Variants in ZBTB7A observed in about 807,000 individuals in gnomAD.
ZBTB7A encodes zinc finger and BTB domain-containing protein 7A.
In ZBTB7A, 7 loss-of-function variants were observed where a neutral mutation model predicts 26.7. That is an observed-to-expected ratio of 0.26 (90% CI 0.15 to 0.49). The LOEUF (loss-of-function observed/expected upper bound fraction) is 0.49, where lower values mean the gene tolerates loss of function less well. ZBTB7A is among the 20% of genes least tolerant of loss of function. The pLI is 0.98. For missense variants in ZBTB7A, 617 were observed against 919.5 expected (o/e 0.67, Z 4.25); for synonymous variants, 452 against 441.0 (o/e 1.02, Z -0.31).
chr19:4,051,826 G>A (rs1468660290), intron 2 of ZBTB7A, among the ~76,000 whole-genome samples: 2 of 152,254 alleles, frequency 1.3e-5, no homozygotes, highest in African/African-American at 4.8e-5. Context: ...GACTTGCCTG[G>A]AGCTGCACAG....
At chr19:4,049,507 G>A (rs902395335) in intron 2 of ZBTB7A, among the ~76,000 whole-genome samples, 8 of 151,908 alleles carry the variant, frequency 5.3e-5, no homozygotes, top group East Asian at 2.0e-4. Flanking sequence ...TGAAAATACC[G>A]CAAGGAACAA....
rs1477223196 is a variant in ZBTB7A, at chr19:4,044,186, T to C, written c.*3566A>G. On this transcript the variant is annotated 3_prime_UTR_variant, in exon 3 of 3. Transcript: ENST00000322357. ...TCCAGGGGAAGACCCTGGAAGAGGCTGGGGGACCCCCCTCGGAAGGAAGCA... is the reference window on the plus strand; with the variant it reads ...TCCAGGGGAAGACCCTGGAAGAGGCCGGGGGACCCCCCTCGGAAGGAAGCA... 4.6e-5 allele frequency among the ~76,000 whole-genome samples: 7 copies of C among 151,708 alleles called. No homozygotes were observed. In the East Asian group the frequency reaches 9.8e-4, roughly 21 times the overall value.
At chr19:4,060,421 C>A (rs1374080766) in intron 1 of ZBTB7A, among the ~76,000 whole-genome samples, 2 of 152,238 alleles carry the variant, frequency 1.3e-5, no homozygotes, top group Non-Finnish European at 1.5e-5. Context: ...GCATTTCGGC[C>A]CCCTCTGTGC....
intron 1 of ZBTB7A, among the ~76,000 whole-genome samples, chr19:4,056,488 A>G (rs1322493919): frequency 6.6e-6 from 1 of 152,116 alleles, no homozygotes; most frequent in Non-Finnish European, 1.5e-5. Flanking sequence ...CATTTTGGGG[A>G]GGCTGAGGTG....
chr19:4,057,674 G>A lies in ZBTB7A; in HGVS notation c.-15-2427C>T, dbSNP rs574749968. Among the ~76,000 whole-genome samples the A allele has an allele frequency of 1.5e-4, 23 of 151,644 alleles. No homozygotes were observed. In the South Asian group the frequency reaches 2.9e-3, roughly 19 times the overall value. ...CGCGGGCCTATAGTCCCAGCTACTC[G>A]GGAGGCTGAGGCAGGAGAATCACTT... On this transcript the variant is annotated intron_variant, in intron 1 of 2. Coordinates refer to ENST00000322357, the MANE Select transcript of ZBTB7A (RefSeq NM_015898.4).
In ZBTB7A at chr19:4,050,334, T is replaced by G. The variant is rs1285053927; in HGVS notation, c.1263-2090A>C. 4.6e-5 allele frequency among the ~76,000 whole-genome samples: 7 copies of G among 152,202 alleles called. No homozygotes were observed. The East Asian group carries it at 1.3e-3, about 29-fold the overall frequency. ...CCTCGGCCTCCCAAAGTGCTGGGATTACAGGCGTGAGCCACCGCGCCCGGC... is the reference window on the plus strand; with the variant it reads ...CCTCGGCCTCCCAAAGTGCTGGGATGACAGGCGTGAGCCACCGCGCCCGGC... On this transcript the variant is annotated intron_variant, in intron 2 of 2. Transcript: ENST00000322357.
At chr19:4,057,775 C>T (rs1276047646) in intron 1 of ZBTB7A, among the ~76,000 whole-genome samples, 4 of 133,930 alleles carry the variant, frequency 3.0e-5, no homozygotes, top group Admixed American at 1.5e-4. Context: ...GAGCGAGACT[C>T]GTCTCCAAAA....
At chr19:4,051,606 A>G (rs767614065) in intron 2 of ZBTB7A, among the ~76,000 whole-genome samples, 1 of 152,226 alleles carries the variant, frequency 6.6e-6, no homozygotes, top group East Asian at 1.9e-4. Flanking sequence ...GTAACTTGCT[A>G]ACAGAACCCT....
chr19:4,044,198 C>A lies in ZBTB7A; in HGVS notation c.*3554G>T, dbSNP rs1026526786. Among the ~76,000 whole-genome samples the A allele has an allele frequency of 6.6e-6, 1 of 152,110 alleles. No homozygotes were observed. Among genetic ancestry groups the A allele is most frequent in the South Asian group, 2.1e-4 (1 of 4,818 alleles). On this transcript the variant is annotated 3_prime_UTR_variant, in exon 3 of 3. Transcript: ENST00000322357. ...CCCTGGAAGAGGCTGGGGGACCCCC[C>A]TCGGAAGGAAGCAAAAAGACAGTGA...
chr19:4,054,184 T>C lies in ZBTB7A; in HGVS notation c.1049A>G (p.Asp350Gly). The C allele has an allele frequency of 6.3e-7, 1 of 1,597,560 alleles. No homozygotes were observed. The highest frequency in any genetic ancestry group is 8.5e-7 in the Non-Finnish European group (1 of 1,177,730). The change falls in exon 2 of 3, where the codon GAC becomes GGC. Residue 350 changes from aspartate to glycine, a missense_variant. Physicochemically the swap from Asp to Gly is moderately conservative, Grantham distance 94. Transcript: ENST00000322357. ...GCCGCTGAAGTACTTCAGGTAGTAG[T>C]CCATGACGCCCTTGTCGTCGGCCCG... ...ESRADDKGVM[D>G]YYLKYFSGAH...
rs1329917919 is a variant in ZBTB7A, at chr19:4,052,488, CTGCTGGGGAGGGGGCCGGGG to C, written c.1262+1463_1262+1482del. Among the ~76,000 whole-genome samples, 3 of 151,848 alleles carry C rather than the reference CTGCTGGGGAGGGGGCCGGGG, an allele frequency of 2.0e-5. No individual in the cohort carries two copies. ...CCAGGCCGCACCTTCCTCTCCTGGC[CTGCTGGGGAGGGGGCCGGGG>C]TGCTGGGGAGGGGTCAGTCCCAGTT... On this transcript the variant is annotated intron_variant, in intron 2 of 2. Coordinates refer to ENST00000322357, the MANE Select transcript of ZBTB7A (RefSeq NM_015898.4). The surrounding 1 kb of genome is among the most constrained non-coding windows in gnomAD (Gnocchi z 4.9).
In ZBTB7A at chr19:4,046,649, A is replaced by G; in HGVS notation, c.*1103T>C. The G allele has an allele frequency of 7.0e-6, 1 of 142,232 alleles. No homozygotes were observed. Among genetic ancestry groups the G allele is most frequent in the East Asian group, 2.0e-4 (1 of 4,968 alleles). The allele number at this position is 142,232 out of a possible 1,614,324, so 8.8% of individuals were successfully genotyped here. On this transcript the variant is annotated 3_prime_UTR_variant, in exon 3 of 3. Coordinates refer to ENST00000322357, the MANE Select transcript of ZBTB7A (RefSeq NM_015898.4). Reference sequence around the variant, plus strand: ...TGTTTTATTGCTTTTGTGACATTGGAATTTGTGGATTTTCTCTCTCTCCCC... The same window carrying G: ...TGTTTTATTGCTTTTGTGACATTGGGATTTGTGGATTTTCTCTCTCTCCCC...
In ZBTB7A at chr19:4,066,851, T is replaced by G. The variant is rs1027642956; in HGVS notation, c.-185A>C. Reference sequence around the variant, plus strand: ...CACTGCCCCTACAGTAACTGTACAGTACAGCCAAAGCCCCGTATGATGCTC... The same window carrying G: ...CACTGCCCCTACAGTAACTGTACAGGACAGCCAAAGCCCCGTATGATGCTC... On this transcript the variant is annotated 5_prime_UTR_variant, in exon 1 of 3. Coordinates refer to ENST00000322357, the MANE Select transcript of ZBTB7A (RefSeq NM_015898.4). 1.3e-5 allele frequency: 2 copies of G among 152,094 alleles called. No individual in the cohort carries two copies. Among genetic ancestry groups the G allele is most frequent in the African/African-American group, 2.4e-5 (1 of 41,304 alleles). The allele number at this position is 152,094 out of a possible 1,614,324, so 9.4% of individuals were successfully genotyped here. A position where few individuals can be genotyped will look rare whatever the true frequency, so the allele number is the denominator to read the frequency against.
rs1324195694 is a variant in ZBTB7A, at chr19:4,044,499, G to A, written c.*3253C>T. 1.3e-5 allele frequency: 2 copies of A among 151,216 alleles called. No homozygotes were observed. The highest frequency in any genetic ancestry group is 3.0e-5 in the Non-Finnish European group (2 of 67,690). 9.4% of individuals were successfully genotyped at this position (151,216 alleles called of 1,614,324 possible). A position where few individuals can be genotyped will look rare whatever the true frequency, so the allele number is the denominator to read the frequency against. On this transcript the variant is annotated 3_prime_UTR_variant, in exon 3 of 3. Coordinates refer to ENST00000322357, the MANE Select transcript of ZBTB7A (RefSeq NM_015898.4). The stretch of plus-strand genomic sequence containing the variant: ...CTCTCTCCTGGGCCCGGCAGGCTGG[G>A]GGGCACTGCAGACGGGGGCTCCGGC...
Position 4,050,353 on chromosome 19 carries a change from G to A in ZBTB7A, c.1263-2109C>T, listed in dbSNP as rs532521478. ...TGGGATTACAGGCGTGAGCCACCGC[G>A]CCCGGCCGGTCTCTCTTGTTTCTGT... On this transcript the variant is annotated intron_variant, in intron 2 of 2. Transcript: ENST00000322357. 1.2e-3 allele frequency among the ~76,000 whole-genome samples: 178 copies of A among 152,324 alleles called. 1 individual carries two copies. The highest frequency in any genetic ancestry group is 0.01 in the Admixed American group (154 of 15,302).
chr19:4,054,881 C>T lies in ZBTB7A; in HGVS notation c.352G>A (p.Ala118Thr). 1.9e-6 allele frequency: 3 copies of T among 1,607,354 alleles called. No homozygotes were observed. The highest frequency in any genetic ancestry group is 2.2e-5 in the East Asian group (1 of 44,574). Residue 118 changes from alanine to threonine, a missense_variant, in exon 2 of 3, where the codon GCC (alanine) becomes ACC (threonine). Coordinates refer to ENST00000322357, the MANE Select transcript of ZBTB7A (RefSeq NM_015898.4). ...LSAARLLEIP[A>T]VSHVCADLLD... The stretch of plus-strand genomic sequence containing the variant: ...AGGTCGGCGCACACGTGGCTCACGG[C>T]GGGGATCTCCAGCAGGCGGGCGGCG...
At position 4,054,813 on chromosome 19, in the gene ZBTB7A, G is replaced by A. The variant is rs767860784; in HGVS notation, c.420C>T (p.Ala140=). The A allele has an allele frequency of 2.2e-5, 35 of 1,596,034 alleles. No homozygotes were observed. In the South Asian group the frequency reaches 3.5e-4, roughly 16 times the overall value. The change falls in exon 2 of 3, where the codon GCC becomes GCT. Residue 140 remains alanine (A), a synonymous_variant. Transcript: ENST00000322357. The part of the protein sequence containing the change: ...QILAADAGAD[A]GQLDLVDQID... Reference sequence around the variant, plus strand: ...TTTGATCTACAAGGTCCAGCTGCCCGGCGTCGGCGCCCGCGTCGGCCGCCA... The same window carrying A: ...TTTGATCTACAAGGTCCAGCTGCCCAGCGTCGGCGCCCGCGTCGGCCGCCA...
chr19:4,066,231 C>A (rs1267538785), intron 1 of ZBTB7A, among the ~76,000 whole-genome samples: 2 of 137,586 alleles, frequency 1.5e-5, no homozygotes, highest in Non-Finnish European at 3.1e-5. Context: ...TCAATCCTGG[C>A]CAACTCCAAC....
At chr19:4,066,563 G>A (rs955565440) in intron 1 of ZBTB7A, 119 bp downstream of exon 1, 9 of 151,914 alleles carry the variant, frequency 5.9e-5, no homozygotes, top group Non-Finnish European at 1.3e-4. Flanking sequence ...CTGAAACTTG[G>A]GGGAACGTCC....
Sources: allele counts gnomAD v4.1 joint callset (sites outside exome capture counted in the v4.1 genomes callset), GRCh38; gene constraint gnomAD v4.1.1; non-coding constraint Gnocchi (gnomAD v3.1); transcripts MANE v1.5; gene names NCBI Gene and HGNC (gene_info 2026-07-23, HGNC 2026-07-21).